Variants in GAGE10 observed in about 807,000 individuals in gnomAD.
The protein encoded by GAGE10 is G antigen 10.
In GAGE10, 9 loss-of-function variants were observed where a neutral mutation model predicts 11.5. The ratio of observed to expected loss-of-function variants is 0.78; its 90% CI spans 0.47 to 1.37. GAGE10 has a LOEUF of 1.37. GAGE10 is among the 40% of genes most tolerant of loss of function. The pLI is 0.00. For missense variants in GAGE10, 83 were observed against 92.9 expected, an observed-to-expected ratio of 0.89 and a Z score of 0.44; for synonymous variants, 23 against 29.7, an observed-to-expected ratio of 0.77 and a Z score of 0.73.
chrX:49,310,608 G>C (rs1414229577), intron 3 of GAGE10, among the ~76,000 whole-genome samples: 4 of 111,480 alleles, frequency 3.6e-5, no homozygotes, highest in African/African-American at 9.8e-5. Context: ...TTAGCGGGGG[G>C]CCGAGAATTT....
intron 1 of GAGE10, among the ~76,000 whole-genome samples, chrX:49,304,454 C>G (rs2046488176): frequency 8.8e-6 from 1 of 113,031 alleles, no homozygotes; most frequent in Admixed American, 9.3e-5. Context: ...GAAATGACCT[C>G]TGCCAGTGGG....
intron 3 of GAGE10, among the ~76,000 whole-genome samples, chrX:49,306,608 C>CT (rs1192704983): frequency 3.6e-5 from 4 of 111,695 alleles, no homozygotes; most frequent in African/African-American, 1.3e-4. Flanking sequence ...CTTGAGATTT[C>CT]TTAGCTGATG....
At chrX:49,315,005 T>C (rs782251823) in intron 3 of GAGE10, among the ~76,000 whole-genome samples, 63 of 111,975 alleles carry the variant, frequency 5.6e-4, no homozygotes, top group Non-Finnish European at 1.1e-3. Flanking sequence ...AACAGTATTA[T>C]GATAAGACTA....
intron 3 of GAGE10, among the ~76,000 whole-genome samples, chrX:49,308,874 C>T (rs782726405): frequency 1.8e-5 from 2 of 111,524 alleles, no homozygotes; most frequent in South Asian, 3.8e-4. Flanking sequence ...TAGGCTCACC[C>T]AGGACACGGG....
intron 3 of GAGE10, among the ~76,000 whole-genome samples, chrX:49,313,693 G>T (rs782286888): frequency 1.8e-5 from 2 of 111,946 alleles, no homozygotes; most frequent in Non-Finnish European, 3.8e-5. Flanking sequence ...TGCTGTTAAA[G>T]TTGCAGGTGT....
intron 3 of GAGE10, among the ~76,000 whole-genome samples, chrX:49,305,737 A>G (rs1179463332): frequency 2.7e-5 from 3 of 111,938 alleles, no homozygotes; most frequent in African/African-American, 9.8e-5. Context: ...TCACTATGAT[A>G]AAAGTTCTCA....
intron 3 of GAGE10, among the ~76,000 whole-genome samples, chrX:49,314,187 A>T (rs1345875218): frequency 2.7e-5 from 3 of 112,246 alleles, no homozygotes; most frequent in Non-Finnish European, 5.6e-5. Context: ...CTTGAGAAGG[A>T]TGCCCACATT....
In GAGE10 at chrX:49,317,219, T is replaced by C. The variant is rs1557125369; in HGVS notation, c.259T>C (p.Cys87Arg). ...EQVHPKTGCE[C>R]GDGPDGQEMG... ...GGTTCACCCAAAGACTGGGTGTGAG[T>C]GTGGAGATGGTCCTGATGGCCAGGA... is the stretch of plus-strand genomic sequence containing the variant. Residue 87 changes from cysteine to arginine, a missense_variant, in exon 4 of 5, where the codon TGT becomes CGT. By Grantham distance (180) the Cys-to-Arg change is radical. Transcript: ENST00000407599. The C allele has an allele frequency of 8.3e-7, 1 of 1,205,188 alleles. No individual in the cohort carries two copies. The highest frequency in any genetic ancestry group is 1.8e-5 in the African/African-American group (1 of 56,819).
intron 3 of GAGE10, among the ~76,000 whole-genome samples, chrX:49,314,803 T>G (rs1300934916): frequency 8.9e-6 from 1 of 112,154 alleles, no homozygotes; most frequent in Non-Finnish European, 1.9e-5. Flanking sequence ...GGAAATAATA[T>G]GGGGGACCAG....
intron 3 of GAGE10, among the ~76,000 whole-genome samples, chrX:49,306,628 C>G (rs782385541): frequency 7.8e-4 from 87 of 111,413 alleles, no homozygotes; most frequent in South Asian, 1.9e-3. Context: ...GCACACTGCT[C>G]TCGGTACTCT....
rs1557124744 is a variant in GAGE10, at chrX:49,311,553, T to G, written c.203-5610T>G. Among the ~76,000 whole-genome samples, 3 of 111,744 alleles carry G rather than the reference T, an allele frequency of 2.7e-5. No individual in the cohort carries two copies. In the South Asian group the frequency reaches 1.1e-3, roughly 42 times the overall value. ...CGAATCTGGATTCCAAACTTCTCCC[T>G]TACAGCAAGGCCCTTATATGAGGCT... On this transcript the variant is annotated intron_variant, in intron 3 of 4. Transcript: ENST00000407599.
At chrX:49,307,263 A>G (rs1557124253) in intron 3 of GAGE10, among the ~76,000 whole-genome samples, 1 of 111,677 alleles carries the variant, frequency 9.0e-6, no homozygotes, top group African/African-American at 3.3e-5. Flanking sequence ...TACTGTTATT[A>G]ATGCTGAATT....
rs1348638153 is a variant in GAGE10, at chrX:49,316,628, T to C, written c.203-535T>C. Reference sequence around the variant, plus strand: ...GTTCAGGATCACATCTTGCATGTGCTTTTCAGGTGTTTTTAGTTTCCTTTA... The same window carrying C: ...GTTCAGGATCACATCTTGCATGTGCCTTTCAGGTGTTTTTAGTTTCCTTTA... On this transcript the variant is annotated intron_variant, in intron 3 of 4. Transcript: ENST00000407599. Among the ~76,000 whole-genome samples, 4 of 112,243 alleles carry C rather than the reference T, an allele frequency of 3.6e-5. No homozygotes were observed. In the Admixed American group the frequency reaches 3.8e-4, roughly 11 times the overall value.
chrX:49,316,812 C>G (rs1429977834), intron 3 of GAGE10, among the ~76,000 whole-genome samples: 4 of 110,704 alleles, frequency 3.6e-5, no homozygotes, highest in Admixed American at 1.9e-4. Context: ...GCTAGTCATG[C>G]CATATAACAG....
intron 3 of GAGE10, among the ~76,000 whole-genome samples, chrX:49,311,361 C>T (rs1332392303): frequency 8.9e-6 from 1 of 112,430 alleles, no homozygotes; most frequent in Non-Finnish European, 1.9e-5. Flanking sequence ...TACAAAGTGT[C>T]CAGGGACAAG....
At chrX:49,313,373 G>A (rs2066381580) in intron 3 of GAGE10, among the ~76,000 whole-genome samples, 1 of 112,076 alleles carries the variant, frequency 8.9e-6, no homozygotes, top group Non-Finnish European at 1.9e-5. Context: ...CTCCAGGTCA[G>A]GTGTACACCT....
intron 3 of GAGE10, among the ~76,000 whole-genome samples, chrX:49,316,278 C>T (rs782169714): frequency 3.6e-5 from 4 of 111,911 alleles, no homozygotes; most frequent in South Asian, 3.7e-4. Context: ...AATCTCAAGT[C>T]GCAAAACATG....
chrX:49,315,195 A>C (rs1337078482), intron 3 of GAGE10, among the ~76,000 whole-genome samples: 15 of 112,190 alleles, frequency 1.3e-4, no homozygotes, highest in African/African-American at 4.9e-4. Flanking sequence ...CTGCTGGCTA[A>C]ATGGACAGGG....
At chrX:49,313,877 A>G (rs2066383108) in intron 3 of GAGE10, among the ~76,000 whole-genome samples, 1 of 112,059 alleles carries the variant, frequency 8.9e-6, no homozygotes, top group Non-Finnish European at 1.9e-5. Context: ...GAGGCTGGTC[A>G]GTCTACATAT....
Sources: allele counts gnomAD v4.1 joint callset (sites outside exome capture counted in the v4.1 genomes callset), GRCh38; gene constraint gnomAD v4.1.1; transcripts MANE v1.5; gene names NCBI Gene and HGNC (gene_info 2026-07-23, HGNC 2026-07-21).